The following KCNQ3 variants were observed in gnomAD, a reference collection of about 807,000 sequenced individuals.
KCNQ3 encodes potassium voltage-gated channel subfamily Q member 3.
Under a neutral mutation model 92.5 loss-of-function variants are expected in KCNQ3, and 30 were observed. The observed-to-expected ratio is 0.32, with a 90% CI of 0.24 to 0.44. The LOEUF (loss-of-function observed/expected upper bound fraction) is 0.44, where lower values mean the gene tolerates loss of function less well. KCNQ3 is among the 20% of genes least tolerant of loss of function. The pLI is 1.00. For missense variants in KCNQ3, 913 were observed against 1,140.3 expected (o/e 0.80, Z 2.87); for synonymous variants, 450 against 468.8 (o/e 0.96, Z 0.52).
rs115984672 is a variant in KCNQ3 at position 132,254,393 on chromosome 8, G to T, written c.387-68212C>A. On this transcript the variant is annotated intron_variant, in intron 1 of 14. Coordinates refer to ENST00000388996, the MANE Select transcript of KCNQ3 (RefSeq NM_004519.4). The stretch of plus-strand genomic sequence containing the variant: ...ATAGACAAATTAAAAACACAGGCAA[G>T]GCATAAACTGAAGTATATCAACCTG... Among the ~76,000 whole-genome samples the T allele has an allele frequency of 4.9e-3, 745 of 152,196 alleles. 7 individuals carry two copies. The highest frequency in any genetic ancestry group is 0.017 in the African/African-American group (722 of 41,534).
At chr8:132,354,791 C>T (rs1489161098) in intron 1 of KCNQ3, among the ~76,000 whole-genome samples, 1 of 152,248 alleles carries the variant, frequency 6.6e-6, no homozygotes, top group East Asian at 1.9e-4. Context: ...GAATTCCTGG[C>T]CAGTCTCATT....
intron 1 of KCNQ3, among the ~76,000 whole-genome samples, chr8:132,379,520 C>T (rs894506827): frequency 2.0e-5 from 3 of 152,200 alleles, no homozygotes; most frequent in Non-Finnish European, 4.4e-5. Flanking sequence ...CCCACTGATG[C>T]CCACATCCCA....
chr8:132,136,607 A>C (rs997257785), intron 12 of KCNQ3, among the ~76,000 whole-genome samples: 14 of 152,200 alleles, frequency 9.2e-5, no homozygotes, highest in African/African-American at 3.4e-4. Flanking sequence ...ATATGTGTGC[A>C]AGTGTTTAGA....
At chr8:132,217,690 G>A (rs561945590) in intron 1 of KCNQ3, among the ~76,000 whole-genome samples, 7 of 130,740 alleles carry the variant, frequency 5.4e-5, no homozygotes, top group South Asian at 5.0e-4. Flanking sequence ...CAGCCTGGGC[G>A]ACAGAGTGAG....
rs1406352891 is a variant in KCNQ3 at position 132,328,619 on chromosome 8, C to T, written c.387-142438G>A. On this transcript the variant is annotated intron_variant, in intron 1 of 14. Transcript: ENST00000388996. ...TCCACCTCAAGTCTTGTGGTGACAA[C>T]TAGAGAGTTAATATATCCAAATCTA... Among the ~76,000 whole-genome samples the T allele has an allele frequency of 2.0e-5, 3 of 152,194 alleles. No homozygotes were observed. In the South Asian group the frequency reaches 6.2e-4, roughly 32 times the overall value.
At chr8:132,341,257 C>T (rs953638482) in intron 1 of KCNQ3, among the ~76,000 whole-genome samples, 3 of 152,210 alleles carry the variant, frequency 2.0e-5, no homozygotes, top group African/African-American at 7.2e-5. Context: ...CATTCACAAA[C>T]CTCAGTGGAA....
intron 1 of KCNQ3, among the ~76,000 whole-genome samples, chr8:132,214,224 GT>G (rs1813954433): frequency 6.6e-6 from 1 of 152,098 alleles, no homozygotes; most frequent in Non-Finnish European, 1.5e-5. Flanking sequence ...GTCTTTTCTA[GT>G]TCTGATTCTG....
chr8:132,202,364 C>A (rs1005752107), intron 1 of KCNQ3, among the ~76,000 whole-genome samples: 1 of 152,258 alleles, frequency 6.6e-6, no homozygotes, highest in Non-Finnish European at 1.5e-5. Flanking sequence ...TTGATCACAC[C>A]TTTGGTATTC....
At chr8:132,447,109 G>A in intron 1 of KCNQ3, 1 of 1,092,844 alleles carries the variant, frequency 9.2e-7, no homozygotes, top group Admixed American at 2.0e-5. Context: ...AATAAGCTAT[G>A]CATGTGGCTC....
chr8:132,237,826 C>A (rs1250662535), intron 1 of KCNQ3, among the ~76,000 whole-genome samples: 1 of 152,092 alleles, frequency 6.6e-6, no homozygotes, highest in African/African-American at 2.4e-5. Context: ...AAAACAAGAA[C>A]AAAACAAAAC....
rs1824698094 is a variant in KCNQ3 at position 132,127,183 on chromosome 8, C to A, written c.*2079G>T. 1 of 152,174 alleles carries A rather than the reference C, an allele frequency of 6.6e-6. No individual in the cohort carries two copies. Among genetic ancestry groups the A allele is most frequent in the East Asian group, 1.9e-4 (1 of 5,198 alleles). 9.4% of individuals were successfully genotyped at this position (152,174 alleles called of 1,614,324 possible). A position where few individuals can be genotyped will look rare whatever the true frequency, so the allele number is the denominator to read the frequency against. On this transcript the variant is annotated 3_prime_UTR_variant, in exon 15 of 15. Coordinates refer to ENST00000388996, the MANE Select transcript of KCNQ3 (RefSeq NM_004519.4). ...GGCCCAAATAACCCATGCCCTTTGT[C>A]CTTCAGATTGCCAGCATGTCAAATG...
intron 6 of KCNQ3, among the ~76,000 whole-genome samples, chr8:132,173,855 G>T (rs929593536): frequency 1.3e-5 from 2 of 152,206 alleles, no homozygotes; most frequent in Admixed American, 1.3e-4. Flanking sequence ...CTCCGTGCAA[G>T]GCACTGGGAA....
intron 1 of KCNQ3, among the ~76,000 whole-genome samples, chr8:132,315,789 G>A (rs181100815): frequency 1.3e-5 from 2 of 152,136 alleles, no homozygotes; most frequent in East Asian, 3.9e-4. Context: ...ACTTTAATAA[G>A]AATAAAATGA....
chr8:132,465,800 A>G (rs1822158774), intron 1 of KCNQ3, among the ~76,000 whole-genome samples: 1 of 151,210 alleles, frequency 6.6e-6, no homozygotes, highest in Admixed American at 6.6e-5. Context: ...GGTCTCAGCT[A>G]CTTGGGAGGC....
intron 1 of KCNQ3, among the ~76,000 whole-genome samples, chr8:132,279,466 C>T (rs1004497141): frequency 2.0e-5 from 3 of 152,154 alleles, no homozygotes; most frequent in Non-Finnish European, 2.9e-5. Flanking sequence ...TGGGTTCCTA[C>T]TCCATATGAA....
At chr8:132,270,346 T>A (rs1378450762) in intron 1 of KCNQ3, among the ~76,000 whole-genome samples, 1 of 152,206 alleles carries the variant, frequency 6.6e-6, no homozygotes, top group Non-Finnish European at 1.5e-5. Context: ...CAGGAAGTCC[T>A]AGTCACAGGC....
intron 1 of KCNQ3, among the ~76,000 whole-genome samples, chr8:132,356,461 GCT>G (rs1819019725): frequency 6.6e-6 from 1 of 152,164 alleles, no homozygotes; most frequent in Non-Finnish European, 1.5e-5. Context: ...GGATATGAGA[GCT>G]GTCAGGTAGA....
intron 7 of KCNQ3, among the ~76,000 whole-genome samples, chr8:132,171,395 C>T (rs3779972): frequency 0.57 from 86,914 of 151,830 alleles, 25,114 homozygotes; most frequent in Non-Finnish European, 0.59. Context: ...CAGCTGTAGA[C>T]AGGACACTCT....
intron 1 of KCNQ3, among the ~76,000 whole-genome samples, chr8:132,288,943 C>CA (rs1324130855): frequency 6.6e-6 from 1 of 152,092 alleles, no homozygotes; most frequent in Non-Finnish European, 1.5e-5. Context: ...AAGGCCTTGT[C>CA]AATGAGACAT....
Sources: gnomAD v4.1 joint callset for allele counts (sites outside exome capture counted in the v4.1 genomes callset) on GRCh38, gnomAD v4.1.1 for gene constraint, MANE v1.5 for transcripts, NCBI Gene and HGNC (gene_info 2026-07-23, HGNC 2026-07-21) for gene names.